DCDC1: variants seen among roughly 807,000 people sequenced by gnomAD.
DCDC1 encodes doublecortin domain-containing protein 1.
Under a neutral mutation model 178.3 loss-of-function variants are expected in DCDC1, and 200 were observed. The ratio of observed to expected loss-of-function variants is 1.12; its 90% CI spans 1.00 to 1.26. The LOEUF (loss-of-function observed/expected upper bound fraction) is 1.26. DCDC1 is among the 50% of genes most tolerant of loss of function. The pLI is 0.00. For missense variants in DCDC1, 1,983 were observed against 1,749.2 expected (o/e 1.13, Z -2.38); for synonymous variants, 690 against 604.8 (o/e 1.14, Z -2.07).
At chr11:31,019,368 G>C (rs1406338413) in intron 20 of DCDC1, among the ~76,000 whole-genome samples, 1 of 152,076 alleles carries the variant, frequency 6.6e-6, no homozygotes, top group African/African-American at 2.4e-5. Flanking sequence ...ATGGTTCTTT[G>C]ACGTGAGAAA....
intron 9 of DCDC1, among the ~76,000 whole-genome samples, chr11:31,171,075 C>G (rs1967161444): frequency 6.6e-6 from 1 of 152,002 alleles, no homozygotes; most frequent in African/African-American, 2.4e-5. Context: ...TGATCCGCCC[C>G]CCTTGGCCTC....
intron 9 of DCDC1, among the ~76,000 whole-genome samples, chr11:31,212,134 T>C (rs1159656915): frequency 6.6e-6 from 1 of 151,922 alleles, no homozygotes; most frequent in Non-Finnish European, 1.5e-5. Flanking sequence ...TTTTAAAGTT[T>C]TACAATGTAA....
intron 10 of DCDC1, among the ~76,000 whole-genome samples, chr11:31,136,725 T>A (rs563655849): frequency 6.6e-6 from 1 of 152,186 alleles, no homozygotes; most frequent in Admixed American, 6.5e-5. Flanking sequence ...CTTAGAAAGA[T>A]TAAATGCTTT....
intron 9 of DCDC1, among the ~76,000 whole-genome samples, chr11:31,175,871 C>G (rs1328077101): frequency 6.6e-6 from 1 of 152,180 alleles, no homozygotes; most frequent in Non-Finnish European, 1.5e-5. Flanking sequence ...TTAATGCACC[C>G]TACCCAACAG....
intron 36 of DCDC1, chr11:30,883,269 T>C (rs1032225504): frequency 1.8e-5 from 3 of 170,776 alleles, no homozygotes; most frequent in African/African-American, 7.2e-5. Context: ...ATTACAGAAA[T>C]TCAAATCATT....
intron 20 of DCDC1, among the ~76,000 whole-genome samples, chr11:30,969,544 G>C (rs1315329536): frequency 2.0e-5 from 3 of 152,118 alleles, no homozygotes; most frequent in African/African-American, 7.2e-5. Context: ...ATTGTTTTAA[G>C]TCACCAAGTT....
intron 9 of DCDC1, among the ~76,000 whole-genome samples, chr11:31,156,434 C>T (rs184205161): frequency 3.2e-4 from 49 of 151,852 alleles, no homozygotes; most frequent in Admixed American, 3.0e-3. Context: ...GAGATCAGTA[C>T]TGAACAATAA....
At chr11:31,100,705 G>C (rs956139933) in intron 15 of DCDC1, among the ~76,000 whole-genome samples, 2 of 152,174 alleles carry the variant, frequency 1.3e-5, no homozygotes, top group African/African-American at 4.8e-5. Flanking sequence ...GAGAAAATTG[G>C]AAAGGTAAGT....
At chr11:30,954,916 A>T (rs2134512108) in intron 20 of DCDC1, among the ~76,000 whole-genome samples, 1 of 152,332 alleles carries the variant, frequency 6.6e-6, no homozygotes, top group South Asian at 2.1e-4. Context: ...TGTTGGCTAC[A>T]TACAAGACAA....
At chr11:31,251,246 T>C (rs1591542509) in intron 8 of DCDC1, among the ~76,000 whole-genome samples, 3 of 152,218 alleles carry the variant, frequency 2.0e-5, no homozygotes, top group African/African-American at 7.2e-5. Context: ...CAGGGTGCTA[T>C]GAATGTAACA....
intron 9 of DCDC1, among the ~76,000 whole-genome samples, chr11:31,150,153 T>C (rs999242661): frequency 1.1e-4 from 16 of 152,210 alleles, no homozygotes; most frequent in African/African-American, 3.6e-4. Flanking sequence ...TCTCTCACTG[T>C]GGTCTTAATT....
intron 9 of DCDC1, among the ~76,000 whole-genome samples, chr11:31,231,625 A>G (rs1975781953): frequency 6.6e-6 from 1 of 152,164 alleles, no homozygotes; most frequent in Non-Finnish European, 1.5e-5. Context: ...TGCTCTTTGT[A>G]TACCTTCAGG....
At chr11:31,223,272 T>C (rs1248342645) in intron 9 of DCDC1, among the ~76,000 whole-genome samples, 4 of 152,172 alleles carry the variant, frequency 2.6e-5, no homozygotes, top group African/African-American at 9.6e-5. Flanking sequence ...CTCTTTAGCA[T>C]TGCTCAGACA....
At chr11:30,901,539 A>G (rs948734975) in intron 32 of DCDC1, among the ~76,000 whole-genome samples, 1 of 152,128 alleles carries the variant, frequency 6.6e-6, no homozygotes, top group Non-Finnish European at 1.5e-5. Context: ...CCTTAATGCA[A>G]ACTGATGGCA....
chr11:31,331,638 C>T (rs902568566), intron 2 of DCDC1, among the ~76,000 whole-genome samples: 3 of 151,522 alleles, frequency 2.0e-5, no homozygotes, highest in Non-Finnish European at 3.0e-5. Flanking sequence ...TTGAGATAAT[C>T]GTGGTTTTTG....
chr11:31,006,060 C>A (rs1401604226), intron 20 of DCDC1, among the ~76,000 whole-genome samples: 1 of 151,122 alleles, frequency 6.6e-6, no homozygotes, highest in Non-Finnish European at 1.5e-5. Flanking sequence ...TTCAACCCTA[C>A]ATCTACAATC....
chr11:30,931,257 G>A (rs1037501471), intron 22 of DCDC1, among the ~76,000 whole-genome samples: 4 of 152,026 alleles, frequency 2.6e-5, no homozygotes, highest in African/African-American at 9.7e-5. Flanking sequence ...GTAAGCTAAA[G>A]TGTCAATAAA....
At chr11:31,098,349 A>G (rs685030) in intron 15 of DCDC1, among the ~76,000 whole-genome samples, 74,275 of 151,994 alleles carry the variant, frequency 0.49, 18,417 homozygotes, top group Middle Eastern at 0.57. Context: ...AAATGTATTC[A>G]CCAAATTGTC....
chr11:30,871,602 T>A (rs1590172389), intron 38 of DCDC1, among the ~76,000 whole-genome samples: 1 of 152,290 alleles, frequency 6.6e-6, no homozygotes, highest in Admixed American at 6.5e-5. Flanking sequence ...ATAGCACTGA[T>A]ATTATTCCAG....
Sources: gnomAD v4.1 joint callset for allele counts (sites outside exome capture counted in the v4.1 genomes callset) on GRCh38, gnomAD v4.1.1 for gene constraint, MANE v1.5 for transcripts, NCBI Gene and HGNC (gene_info 2026-07-23, HGNC 2026-07-21) for gene names.